Variants in CRYM observed in about 807,000 individuals in gnomAD.
CRYM encodes crystallin mu.
CRYM carries 18 observed loss-of-function variants against 32.9 expected under a neutral mutation model. The ratio of observed to expected loss-of-function variants is 0.55; its 90% CI spans 0.38 to 0.81. The LOEUF (loss-of-function observed/expected upper bound fraction) is 0.81. Among genes scored for constraint, CRYM ranks in the 30% least tolerant of loss-of-function variants. The probability of loss-of-function intolerance (pLI) is 0.00; values close to 1 mark genes in which losing one functional copy is unlikely to be tolerated. For synonymous variants in CRYM, 153 were observed against 152.4 expected, an observed-to-expected ratio of 1.00 and a Z score of -0.03; for missense variants, 337 against 393.5, an observed-to-expected ratio of 0.86 and a Z score of 1.21.
chr16:21,261,532 C>G, intron 6 of CRYM, 194 bp from the exon 7 acceptor site: 1 of 612,386 alleles, frequency 1.6e-6, no homozygotes, highest in Non-Finnish European at 2.9e-6. Flanking sequence ...TTTGGGGTGG[C>G]ATTTGCTTTT....
chr16:21,292,188 C>T (rs1367998096), intron 1 of CRYM, among the ~76,000 whole-genome samples: 1 of 152,086 alleles, frequency 6.6e-6, no homozygotes, highest in Non-Finnish European at 1.5e-5. Context: ...GGAATACCCT[C>T]AGCAATAAAA....
chr16:21,269,766 T>TTCCACC, intron 4 of CRYM, 24 bp downstream of exon 4: 1 of 690,476 alleles, frequency 1.4e-6, no homozygotes, highest in Admixed American at 2.0e-5. Flanking sequence ...CCCTCTTCTC[T>TTCCACC]CCCACCCCCA....
intron 1 of CRYM, among the ~76,000 whole-genome samples, chr16:21,287,022 G>A (rs901052582): frequency 5.9e-5 from 9 of 151,914 alleles, no homozygotes; most frequent in South Asian, 4.2e-4. Flanking sequence ...CCCAGGAGGC[G>A]GAGTTTGCAG....
intron 1 of CRYM, among the ~76,000 whole-genome samples, chr16:21,295,966 C>T (rs935282557): frequency 6.6e-6 from 1 of 152,124 alleles, no homozygotes; most frequent in Non-Finnish European, 1.5e-5. Flanking sequence ...TTGTTGCACC[C>T]CATCTCCTAT....
intron 4 of CRYM, among the ~76,000 whole-genome samples, chr16:21,269,256 T>G (rs933178050): frequency 1.3e-5 from 2 of 152,088 alleles, no homozygotes; most frequent in Non-Finnish European, 2.9e-5. Context: ...AAATCATACT[T>G]TAAAACTGCT....
rs187194524 is a variant in CRYM at position 21,289,821 on chromosome 16, C to T, written c.-192-10861G>A. Among the ~76,000 whole-genome samples, 18 of 151,776 alleles carry T rather than the reference C, an allele frequency of 1.2e-4. 1 individual carries two copies. The highest frequency in any genetic ancestry group is 2.6e-4 in the Admixed American group (4 of 15,242). On this transcript the variant is annotated intron_variant, in intron 1 of 9. Coordinates refer to the CRYM transcript ENST00000219599. ...GCTGATTGGCCCATTTACAGAGTGC[C>T]GATTGGTCCATTTTACAGAGTACTG...
At chr16:21,295,730 T>C (rs1456156973) in intron 1 of CRYM, among the ~76,000 whole-genome samples, 2 of 152,132 alleles carry the variant, frequency 1.3e-5, no homozygotes, top group Non-Finnish European at 2.9e-5. Context: ...GTCAGGAGTT[T>C]GAGACCAGCC....
intron 7 of CRYM, 23 bp downstream of exon 7, chr16:21,261,231 G>T: frequency 1.3e-6 from 2 of 1,592,976 alleles, no homozygotes; most frequent in Middle Eastern, 1.7e-4. Flanking sequence ...TTGGATTTGT[G>T]CCCAGGGAGC....
intron 1 of CRYM, among the ~76,000 whole-genome samples, chr16:21,292,294 A>C (rs1960676840): frequency 6.6e-6 from 1 of 152,148 alleles, no homozygotes; most frequent in South Asian, 2.1e-4. Context: ...ATCTATTGCT[A>C]ATATCATTTT....
chr16:21,290,748 G>A (rs1960626956), intron 1 of CRYM, among the ~76,000 whole-genome samples: 1 of 152,080 alleles, frequency 6.6e-6, no homozygotes, highest in Non-Finnish European at 1.5e-5. Flanking sequence ...GTATTTAGAG[G>A]AATCTCAGCA....
At position 21,290,685 on chromosome 16, in the gene CRYM, A is replaced by G. The variant is rs1960623966; in HGVS notation, c.-192-11725T>C. The stretch of plus-strand genomic sequence containing the variant: ...CAGTTCAGAGCCTTACCTCTTAAAC[A>G]TGTTTCTTATTTACTCATATATATT... On this transcript the variant is annotated intron_variant, in intron 1 of 9. Transcript: ENST00000219599. 2.0e-5 allele frequency among the ~76,000 whole-genome samples: 3 copies of G among 152,228 alleles called. No homozygotes were observed. The South Asian group carries it at 6.2e-4, about 32-fold the overall frequency.
Position 21,267,690 on chromosome 16 carries a change from G to A in CRYM, c.537C>T (p.Asp179=). Residue 179 remains aspartate, a synonymous_variant, in exon 5 of 8, where the codon GAC becomes GAT. Transcript: ENST00000572914. ...AGACCCGTACCTCTCCTTGCACTGTGTCTGCAAACTTCTCTGCATTTTCTT... is the reference window on the plus strand; with the variant it reads ...AGACCCGTACCTCTCCTTGCACTGTATCTGCAAACTTCTCTGCATTTTCTT... The part of the protein sequence containing the change: ...RTKENAEKFA[D]TVQGEVRVCS... 1 of 1,614,190 alleles carries A rather than the reference G, an allele frequency of 6.2e-7. No individual in the cohort carries two copies. The highest frequency in any genetic ancestry group is 8.5e-7 in the Non-Finnish European group (1 of 1,180,044).
At chr16:21,274,032 C>T (rs763968480) in intron 3 of CRYM, among the ~76,000 whole-genome samples, 3 of 152,170 alleles carry the variant, frequency 2.0e-5, no homozygotes, top group Non-Finnish European at 2.9e-5. Context: ...CGACATGCAA[C>T]CTGAACACCT....
intron 1 of CRYM, chr16:21,301,199 T>G (rs921985795): frequency 6.6e-6 from 1 of 152,248 alleles, no homozygotes; most frequent in Non-Finnish European, 1.5e-5. Context: ...TAAACTTCTG[T>G]CATCAGCGGC....
upstream of CRYM, among the ~76,000 whole-genome samples, chr16:21,283,169 TA>T (rs2093401181): frequency 6.6e-6 from 1 of 152,088 alleles, no homozygotes; most frequent in South Asian, 2.1e-4. Context: ...TACATCCCCC[TA>T]GACTTCTGCC....
chr16:21,278,054 G>C lies in CRYM; in HGVS notation c.170+28C>G, dbSNP rs200064989. 1,869 of 1,532,702 alleles carry C rather than the reference G, an allele frequency of 1.2e-3. 3 individuals carry two copies. Among genetic ancestry groups the C allele is most frequent in the Middle Eastern group, 1.6e-3 (7 of 4,464 alleles). 94.9% of individuals were successfully genotyped at this position (1,532,702 alleles called of 1,614,324 possible). On this transcript the variant is annotated intron_variant, in intron 1 of 7. Transcript: ENST00000572914. ...CTTTCCCCGCTTTCCAGTTTCTCCTGCCCCTGACCCCGACCCTCCTCACTC... is the reference window on the plus strand; with the variant it reads ...CTTTCCCCGCTTTCCAGTTTCTCCTCCCCCTGACCCCGACCCTCCTCACTC...
chr16:21,269,760 C>T (rs777370869), intron 4 of CRYM, 30 bp downstream of exon 4: 4 of 891,966 alleles, frequency 4.5e-6, no homozygotes, highest in South Asian at 3.9e-5. Context: ...CCCCTTCCCT[C>T]TTCTCTCCCA....
rs1178158378 is a variant in CRYM at position 21,262,154 on chromosome 16, A to G, written c.678T>C (p.Val226=). Residue 226 remains valine (V), a synonymous_variant, in exon 6 of 8, where the codon GTT becomes GTC. Transcript: ENST00000572914. ...CTCTCCAGTCAGGTCTGCTGGCTCC[A>G]ACAGCTAAGAGACAGCAAAACAGAC... ...WVKPGAHINA[V]GASRPDWREL... 1.2e-6 allele frequency: 2 copies of G among 1,613,992 alleles called. No individual in the cohort carries two copies. Among genetic ancestry groups the G allele is most frequent in the African/African-American group, 2.7e-5 (2 of 74,938 alleles).
In CRYM at chr16:21,277,747, G is replaced by A. The variant is rs945061033; in HGVS notation, c.171-163C>T. ...TTCCCTTAGACACTATGCACAGTAT[G>A]TTCAGAAGTCTGGCTCTGGATCAGA... On this transcript the variant is annotated intron_variant, in intron 1 of 7. Transcript: ENST00000572914. The surrounding 1 kb of genome is among the most constrained non-coding windows in gnomAD (Gnocchi z 4.2). 1.3e-5 allele frequency among the ~76,000 whole-genome samples: 2 copies of A among 152,052 alleles called. No individual in the cohort carries two copies. The highest frequency in any genetic ancestry group is 4.8e-5 in the African/African-American group (2 of 41,372).
Sources: gnomAD v4.1 joint callset for allele counts (sites outside exome capture counted in the v4.1 genomes callset) on GRCh38, gnomAD v4.1.1 for gene constraint, Gnocchi (gnomAD v3.1) non-coding constraint, MANE v1.5 for transcripts, NCBI Gene and HGNC (gene_info 2026-07-23, HGNC 2026-07-21) for gene names.